The following SHTN1 variants were observed in gnomAD, a reference collection of about 807,000 sequenced individuals.
SHTN1 encodes shootin 1.
SHTN1 carries 42 observed loss-of-function variants against 83.1 expected under a neutral mutation model. That is an observed-to-expected ratio of 0.51 (90% CI 0.39 to 0.65). The LOEUF is 0.65. Among genes scored for constraint, SHTN1 ranks in the 30% least tolerant of loss-of-function variants. The probability of loss-of-function intolerance (pLI) is 0.00; values close to 1 mark genes in which losing one functional copy is unlikely to be tolerated. For synonymous variants in SHTN1, 224 were observed against 247.7 expected, an observed-to-expected ratio of 0.90 and a Z score of 0.90; for missense variants, 622 against 737.8, an observed-to-expected ratio of 0.84 and a Z score of 1.82.
chr10:117,067,356 T>C (rs1853016850), intron 1 of SHTN1, among the ~76,000 whole-genome samples: 1 of 152,090 alleles, frequency 6.6e-6, no homozygotes, highest in Non-Finnish European at 1.5e-5. Context: ...TTTGGGAGGC[T>C]AAAGCAGGTG....
chr10:117,093,162 T>C (rs991581099), intron 1 of SHTN1, among the ~76,000 whole-genome samples: 8 of 152,266 alleles, frequency 5.3e-5, no homozygotes, highest in Admixed American at 3.3e-4. Flanking sequence ...CATCATCCCA[T>C]ATTACACATG....
chr10:116,908,270 C>A (rs1435382937), intron 14 of SHTN1, among the ~76,000 whole-genome samples: 1 of 152,100 alleles, frequency 6.6e-6, no homozygotes, highest in Non-Finnish European at 1.5e-5. Context: ...AGAAGTATCT[C>A]TTTTTATTTT....
At chr10:116,926,855 C>A (rs1347453448) in intron 11 of SHTN1, among the ~76,000 whole-genome samples, 1 of 152,138 alleles carries the variant, frequency 6.6e-6, no homozygotes, top group African/African-American at 2.4e-5. Flanking sequence ...TAGATGGTGG[C>A]ATGTGGAACC....
chr10:116,892,829 C>T (rs1042819767), intron 16 of SHTN1, among the ~76,000 whole-genome samples: 36 of 152,272 alleles, frequency 2.4e-4, no homozygotes, highest in African/African-American at 8.2e-4. Context: ...AAAACCTCCC[C>T]TCTACTCCAC....
chr10:117,098,258 G>A (rs886538610), intron 1 of SHTN1, among the ~76,000 whole-genome samples: 2 of 149,250 alleles, frequency 1.3e-5, no homozygotes, highest in African/African-American at 4.9e-5. Flanking sequence ...TTAGCCAGAC[G>A]TAGTGGTGGA....
intron 1 of SHTN1, among the ~76,000 whole-genome samples, chr10:116,989,893 G>A (rs1211251085): frequency 6.6e-6 from 1 of 152,172 alleles, no homozygotes; most frequent in Admixed American, 6.5e-5. Flanking sequence ...CAACTTATGA[G>A]GCTTGAGGAA....
chr10:116,895,511 A>T (rs1333174802), intron 16 of SHTN1, among the ~76,000 whole-genome samples: 1 of 152,172 alleles, frequency 6.6e-6, no homozygotes, highest in Non-Finnish European at 1.5e-5. Context: ...TCCCTTGACA[A>T]GAGATCTTTA....
intron 14 of SHTN1, among the ~76,000 whole-genome samples, chr10:116,910,734 G>A (rs1369437854): frequency 1.3e-5 from 2 of 152,126 alleles, no homozygotes; most frequent in Non-Finnish European, 1.5e-5. Context: ...CTCCTTAATA[G>A]AACACTGAAT....
At chr10:116,951,692 C>T (rs147568150) in intron 6 of SHTN1, among the ~76,000 whole-genome samples, 13 of 152,186 alleles carry the variant, frequency 8.5e-5, no homozygotes, top group Non-Finnish European at 1.6e-4. Flanking sequence ...CATGCTATTT[C>T]AGAATTTTAT....
chr10:117,023,821 C>T (rs1852294017), intron 2 of SHTN1: 1 of 152,634 alleles, frequency 6.6e-6, no homozygotes. Flanking sequence ...CACTGCAGAG[C>T]AGAATTGACA....
Position 116,968,679 on chromosome 10 carries a change from C to T in SHTN1, c.145G>A (p.Val49Ile), listed in dbSNP as rs905104409. Residue 49 changes from valine (V) to isoleucine (I), a missense_variant, in exon 3 of 17, where the codon GTT (valine) becomes ATT (isoleucine). Physicochemically the swap from Val to Ile is conservative, Grantham distance 29 (BLOSUM62 3). Around this residue, in one of 3 missense-constraint regions of SHTN1, gnomAD observed 383 missense variants for 455.8 expected, o/e 0.84. Coordinates refer to ENST00000355371, the MANE Select transcript of SHTN1 (RefSeq NM_001127211.3). ...TTCTGAAATTCTTCCAGTTTTTTAA[C>T]GGCTTCATCTCGTTCTTGCCTAATT... ...DKIRQERDEA[V>I]KKLEEFQKIS... The T allele has an allele frequency of 1.7e-5, 27 of 1,611,960 alleles. No individual in the cohort carries two copies. Among genetic ancestry groups the T allele is most frequent in the East Asian group, 8.9e-5 (4 of 44,848 alleles).
At chr10:116,922,556 A>C (rs1848602040) in intron 11 of SHTN1, among the ~76,000 whole-genome samples, 1 of 152,198 alleles carries the variant, frequency 6.6e-6, no homozygotes, top group Non-Finnish European at 1.5e-5. Flanking sequence ...GTAATAACTC[A>C]AATGTCCATC....
intron 1 of SHTN1, among the ~76,000 whole-genome samples, chr10:116,999,504 G>T (rs578175050): frequency 1.3e-5 from 2 of 152,334 alleles, no homozygotes; most frequent in African/African-American, 4.8e-5. Context: ...GTTTCCTTAG[G>T]AGAGTGATAA....
At chr10:117,060,890 A>AATGT (rs369024233) in intron 1 of SHTN1, among the ~76,000 whole-genome samples, 9 of 152,296 alleles carry the variant, frequency 5.9e-5, no homozygotes, top group African/African-American at 2.2e-4. Context: ...ACAAAAACCT[A>AATGT]ATGTAGTACA....
In SHTN1 at chr10:116,920,372, G is replaced by A. The variant is rs890971138; in HGVS notation, c.1195+1062C>T. 3.9e-5 allele frequency among the ~76,000 whole-genome samples: 6 copies of A among 152,062 alleles called. No individual in the cohort carries two copies. The East Asian group carries it at 7.8e-4, about 20-fold the overall frequency. On this transcript the variant is annotated intron_variant, in intron 12 of 16. Transcript: ENST00000355371. ...ATTTGCTGGCTCTGCTCAATGGGAG[G>A]GCCCTTCTCCTTCCAGTCCCATCTC...
Position 116,882,999 on chromosome 10 carries a change from CATCAT to C in SHTN1, c.*3340_*3344del, listed in dbSNP as rs1034429067. 49 of 151,712 alleles carry C rather than the reference CATCAT, an allele frequency of 3.2e-4. No homozygotes were observed. Among genetic ancestry groups the C allele is most frequent in the Admixed American group, 2.3e-3 (35 of 15,250 alleles). The allele number at this position is 151,712 out of a possible 1,614,324, so 9.4% of individuals were successfully genotyped here. On this transcript the variant is annotated 3_prime_UTR_variant, in exon 17 of 17. Transcript: ENST00000355371. ...ACACACACACACACACACACACACA[CATCAT>C]GAGACTATGCCCTGGAACAGTGATA...
At chr10:117,090,753 A>AAG (rs1853418615) in intron 1 of SHTN1, among the ~76,000 whole-genome samples, 3 of 97,506 alleles carry the variant, frequency 3.1e-5, no homozygotes, top group African/African-American at 1.2e-4. Context: ...TTGTGAAAAC[A>AAG]GAAGGAAGGA....
chr10:117,048,990 A>G (rs183771868), intron 1 of SHTN1, among the ~76,000 whole-genome samples: 3 of 152,316 alleles, frequency 2.0e-5, no homozygotes, highest in South Asian at 2.1e-4. Flanking sequence ...CGGAGTCTCA[A>G]TTGGTTCATC....
intron 1 of SHTN1, among the ~76,000 whole-genome samples, chr10:116,983,092 T>C (rs1474625760): frequency 2.0e-5 from 3 of 152,182 alleles, no homozygotes; most frequent in African/African-American, 4.8e-5. Context: ...TATAAGGTTA[T>C]ATAGGACAGT....
Sources: gnomAD v4.1 joint callset for allele counts (sites outside exome capture counted in the v4.1 genomes callset) on GRCh38, gnomAD v4.1.1 for gene constraint, gnomAD v4.1.1 regional missense constraint, MANE v1.5 for transcripts, NCBI Gene and HGNC (gene_info 2026-07-23, HGNC 2026-07-21) for gene names.